The following GPC6 variants were observed in gnomAD, a reference collection of about 807,000 sequenced individuals.
GPC6 encodes glypican-6.
GPC6 carries 14 observed loss-of-function variants against 55.2 expected under a neutral mutation model. The observed-to-expected ratio is 0.25, with a 90% CI of 0.17 to 0.40. The LOEUF (loss-of-function observed/expected upper bound fraction) is 0.40, where lower values mean the gene tolerates loss of function less well. Ranked by LOEUF, GPC6 falls within the 10% of genes least tolerant of loss-of-function variation. The pLI is 1.00. For synonymous variants in GPC6, 278 were observed against 259.6 expected (o/e 1.07, Z -0.68); for missense variants, 641 against 708.5 (o/e 0.90, Z 1.08).
intron 2 of GPC6, among the ~76,000 whole-genome samples, chr13:93,660,054 C>T (rs571095603): frequency 6.6e-6 from 1 of 152,028 alleles, no homozygotes; most frequent in East Asian, 1.9e-4. Context: ...CATGGCATTT[C>T]TTTTGTAACT....
chr13:94,254,110 G>A (rs1193207036), intron 4 of GPC6, among the ~76,000 whole-genome samples: 1 of 152,096 alleles, frequency 6.6e-6, no homozygotes, highest in Non-Finnish European at 1.5e-5. Context: ...CCCTTGTAGA[G>A]CATTTTAATG....
chr13:93,922,412 G>C (rs1024869720), intron 3 of GPC6, among the ~76,000 whole-genome samples: 1 of 152,090 alleles, frequency 6.6e-6, no homozygotes, highest in East Asian at 1.9e-4. Flanking sequence ...TGTAAGAAAA[G>C]GACAGTTGTT....
intron 1 of GPC6, among the ~76,000 whole-genome samples, chr13:93,262,297 G>A (rs750499785): frequency 1.3e-5 from 2 of 150,848 alleles, no homozygotes; most frequent in South Asian, 2.1e-4. Context: ...AAGGGTTCCC[G>A]AAAAAAAAAG....
Position 94,041,704 on chromosome 13 carries a change from A to T in GPC6, c.877+13810A>T, listed in dbSNP as rs191134072. ...TCAAATTAGAAGATTCTTACTTACC[A>T]GGGGTTTAGTATATATGCATTAAAC... is the stretch of plus-strand genomic sequence containing the variant. On this transcript the variant is annotated intron_variant, in intron 4 of 8. Transcript: ENST00000377047. 5.9e-5 allele frequency among the ~76,000 whole-genome samples: 9 copies of T among 151,976 alleles called. No homozygotes were observed. In the East Asian group the frequency reaches 1.7e-3, roughly 29 times the overall value.
chr13:93,743,041 A>G (rs1884263947), intron 2 of GPC6, among the ~76,000 whole-genome samples: 1 of 152,226 alleles, frequency 6.6e-6, no homozygotes, highest in African/African-American at 2.4e-5. Flanking sequence ...AGGTACAGAA[A>G]TAAAAGTAGT....
intron 3 of GPC6, among the ~76,000 whole-genome samples, chr13:93,864,121 T>G (rs1168440993): frequency 6.6e-6 from 1 of 151,670 alleles, no homozygotes; most frequent in Non-Finnish European, 1.5e-5. Context: ...TAATTTCAAA[T>G]TAGCTACAAT....
At chr13:93,610,079 C>T (rs1403591724) in intron 2 of GPC6, among the ~76,000 whole-genome samples, 3 of 152,186 alleles carry the variant, frequency 2.0e-5, no homozygotes, top group African/African-American at 7.2e-5. Context: ...AAGTCATTTA[C>T]ATTTTGAGCA....
At chr13:93,903,073 G>T (rs1477679020) in intron 3 of GPC6, among the ~76,000 whole-genome samples, 2 of 152,092 alleles carry the variant, frequency 1.3e-5, no homozygotes, top group Non-Finnish European at 2.9e-5. Flanking sequence ...AACGCATAAT[G>T]GATTAAAGAC....
intron 4 of GPC6, among the ~76,000 whole-genome samples, chr13:94,047,379 A>T (rs17253537): frequency 0.14 from 21,976 of 152,002 alleles, 1,980 homozygotes; most frequent in East Asian, 0.36. Context: ...GAATAAATTC[A>T]TGATCTCAAA....
At chr13:93,368,339 TCC>T (rs1566320628) in intron 1 of GPC6, among the ~76,000 whole-genome samples, 4 of 35,834 alleles carry the variant, frequency 1.1e-4, no homozygotes, top group Non-Finnish European at 2.0e-4. Context: ...CTCCCTGCTT[TCC>T]TTCCTTCCTT....
chr13:93,565,951 A>C (rs1412970588), intron 2 of GPC6, among the ~76,000 whole-genome samples: 1 of 151,936 alleles, frequency 6.6e-6, no homozygotes, highest in African/African-American at 2.4e-5. Context: ...AAAAAAGAAA[A>C]AAAAAACACA....
intron 1 of GPC6, among the ~76,000 whole-genome samples, chr13:93,476,275 T>C (rs1203707383): frequency 6.6e-6 from 1 of 152,078 alleles, no homozygotes; most frequent in African/African-American, 2.4e-5. Context: ...TATTTGTGTG[T>C]GTGTGCGTGT....
At chr13:94,399,472 T>C (rs1284257421) in intron 8 of GPC6, among the ~76,000 whole-genome samples, 1 of 152,342 alleles carries the variant, frequency 6.6e-6, no homozygotes, top group South Asian at 2.1e-4. Flanking sequence ...TTGTTGCTTT[T>C]TAAAAATATT....
At chr13:94,185,974 G>A (rs989028672) in intron 4 of GPC6, among the ~76,000 whole-genome samples, 3 of 137,668 alleles carry the variant, frequency 2.2e-5, no homozygotes, top group Non-Finnish European at 4.5e-5. Context: ...GCAGGAGAAT[G>A]GCATGAACCC....
intron 3 of GPC6, among the ~76,000 whole-genome samples, chr13:93,877,068 T>C (rs558753885): frequency 1.3e-5 from 2 of 152,098 alleles, no homozygotes; most frequent in Non-Finnish European, 2.9e-5. Flanking sequence ...TATATCTTCC[T>C]GAGGGAAATA....
chr13:93,849,476 T>C (rs1212429765), intron 3 of GPC6, among the ~76,000 whole-genome samples: 1 of 152,088 alleles, frequency 6.6e-6, no homozygotes, highest in African/African-American at 2.4e-5. Flanking sequence ...AATGACTGAA[T>C]ATAAGCTGAG....
chr13:94,264,079 A>T (rs1891724480), intron 4 of GPC6, among the ~76,000 whole-genome samples: 1 of 152,286 alleles, frequency 6.6e-6, no homozygotes, highest in Middle Eastern at 3.4e-3. Flanking sequence ...CTGGGTAGAG[A>T]CCTAAAGTTT....
chr13:93,477,485 G>A (rs116369841), intron 1 of GPC6, among the ~76,000 whole-genome samples: 233 of 152,184 alleles, frequency 1.5e-3, no homozygotes, highest in African/African-American at 5.2e-3. Flanking sequence ...GTTTAAACAA[G>A]TTTTCATGCT....
chr13:94,232,874 G>C (rs1195703893), intron 4 of GPC6, among the ~76,000 whole-genome samples: 39 of 151,834 alleles, frequency 2.6e-4, no homozygotes, highest in Admixed American at 2.6e-3. Flanking sequence ...ACCATTTTTG[G>C]CCAAAAGAAT....
Sources: allele counts gnomAD v4.1 joint callset (sites outside exome capture counted in the v4.1 genomes callset), GRCh38; gene constraint gnomAD v4.1.1; transcripts MANE v1.5; gene names NCBI Gene and HGNC (gene_info 2026-07-23, HGNC 2026-07-21).